The following PRRX2 variants were observed in gnomAD, a reference collection of about 807,000 sequenced individuals.
PRRX2 encodes the protein paired mesoderm homeobox protein 2.
In PRRX2, 11 loss-of-function variants were observed where a neutral mutation model predicts 18.0. The observed-to-expected ratio is 0.61, with a 90% CI of 0.39 to 1.01. The LOEUF (loss-of-function observed/expected upper bound fraction) is 1.01, where lower values mean the gene tolerates loss of function less well. Ranked by LOEUF, PRRX2 falls within the 50% of genes least tolerant of loss-of-function variation. PRRX2 has a pLI of 0.01. For synonymous variants in PRRX2, 177 were observed against 154.8 expected (o/e 1.14, Z -1.06); for missense variants, 387 against 351.0 (o/e 1.10, Z -0.82).
chr9:129,682,355 A>G (rs1019132624), intron 1 of PRRX2, among the ~76,000 whole-genome samples: 2 of 152,034 alleles, frequency 1.3e-5, no homozygotes, highest in Non-Finnish European at 2.9e-5. Flanking sequence ...TGCCATTGCT[A>G]TTATTCGCAA....
intron 1 of PRRX2, among the ~76,000 whole-genome samples, chr9:129,669,305 G>A (rs970284238): frequency 3.0e-4 from 46 of 152,330 alleles, no homozygotes; most frequent in African/African-American, 1.1e-3. Flanking sequence ...CCAGGGTCGC[G>A]GGTTCCTTCC....
intron 1 of PRRX2, among the ~76,000 whole-genome samples, chr9:129,716,518 G>A (rs1044679989): frequency 1.1e-4 from 17 of 150,776 alleles, no homozygotes; most frequent in African/African-American, 2.9e-4. Flanking sequence ...GCAGTGGTAC[G>A]GTACCGGCTC....
intron 1 of PRRX2, among the ~76,000 whole-genome samples, chr9:129,670,664 C>T (rs758401707): frequency 2.7e-4 from 41 of 152,180 alleles, no homozygotes; most frequent in Non-Finnish European, 5.0e-4. Context: ...TCTGAGCCAC[C>T]GTGCCCGGCC....
intron 1 of PRRX2, among the ~76,000 whole-genome samples, chr9:129,685,957 G>T (rs1380764922): frequency 6.6e-6 from 1 of 152,224 alleles, no homozygotes; most frequent in Non-Finnish European, 1.5e-5. Flanking sequence ...GGACCAGTGA[G>T]GGAAGGGTTC....
At chr9:129,679,423 G>C (rs1028011623) in intron 1 of PRRX2, among the ~76,000 whole-genome samples, 12 of 152,246 alleles carry the variant, frequency 7.9e-5, no homozygotes, top group African/African-American at 2.4e-4. Flanking sequence ...TTGTGCACCT[G>C]CCAAGTGCTA....
chr9:129,715,386 G>T lies in PRRX2; in HGVS notation c.260-3845G>T, dbSNP rs62584064. 0.064 allele frequency among the ~76,000 whole-genome samples: 9,685 copies of T among 152,158 alleles called. 435 individuals carry two copies. Among genetic ancestry groups the T allele is most frequent in the Middle Eastern group, 0.12 (35 of 294 alleles). On this transcript the variant is annotated intron_variant, in intron 1 of 3. Coordinates refer to ENST00000372469, the MANE Select transcript of PRRX2 (RefSeq NM_016307.4). This position sits in a 1 kb window ranked among gnomAD's most constrained non-coding sequence, Gnocchi z 4.0. Reference sequence around the variant, plus strand: ...TGAGGCAGGAGAATTGAGGTCAGGAGTTTAAGACCAGTCTTGGCAACATAG... The same window carrying T: ...TGAGGCAGGAGAATTGAGGTCAGGATTTTAAGACCAGTCTTGGCAACATAG...
chr9:129,669,016 A>G lies in PRRX2; in HGVS notation c.259+2890A>G, dbSNP rs375350238. ...ACACAAATTAGTCAGGTGTGGTGACAGACGCCTATAATCCCAGCTACTCGG... is the reference window on the plus strand; with the variant it reads ...ACACAAATTAGTCAGGTGTGGTGACGGACGCCTATAATCCCAGCTACTCGG... On this transcript the variant is annotated intron_variant, in intron 1 of 3. Transcript: ENST00000372469. Among the ~76,000 whole-genome samples, 18 of 151,778 alleles carry G rather than the reference A, an allele frequency of 1.2e-4. No individual in the cohort carries two copies. The South Asian group carries it at 2.1e-3, about 18-fold the overall frequency.
At chr9:129,707,949 C>T (rs1327515422) in intron 1 of PRRX2, among the ~76,000 whole-genome samples, 2 of 152,170 alleles carry the variant, frequency 1.3e-5, no homozygotes, top group Non-Finnish European at 2.9e-5. Flanking sequence ...AGACTGTTTT[C>T]CACAGCAGCT....
chr9:129,697,794 C>T (rs1205423338), intron 1 of PRRX2, among the ~76,000 whole-genome samples: 1 of 152,192 alleles, frequency 6.6e-6, no homozygotes, highest in South Asian at 2.1e-4. Context: ...CCCCCGCTGT[C>T]TCCACCCCAC....
chr9:129,672,051 G>A (rs1832106650), intron 1 of PRRX2, among the ~76,000 whole-genome samples: 1 of 152,178 alleles, frequency 6.6e-6, no homozygotes, highest in Non-Finnish European at 1.5e-5. Context: ...CAAGAATGTG[G>A]GGTCAGGCTG....
At chr9:129,700,170 G>T (rs191650696) in intron 1 of PRRX2, among the ~76,000 whole-genome samples, 23 of 152,310 alleles carry the variant, frequency 1.5e-4, no homozygotes, top group Admixed American at 9.8e-4. Context: ...CTGGGAGGAA[G>T]ATCTTGTTAT....
At chr9:129,699,755 A>G (rs1832471671) in intron 1 of PRRX2, among the ~76,000 whole-genome samples, 1 of 152,196 alleles carries the variant, frequency 6.6e-6, no homozygotes, top group African/African-American at 2.4e-5. Flanking sequence ...GGAAGCATCC[A>G]CGAAGGATGA....
chr9:129,698,214 C>T (rs1429341723), intron 1 of PRRX2, among the ~76,000 whole-genome samples: 2 of 137,502 alleles, frequency 1.5e-5, no homozygotes, highest in African/African-American at 2.7e-5. Context: ...GAGCTGGGAG[C>T]TCCCAGCAGG....
intron 1 of PRRX2, among the ~76,000 whole-genome samples, chr9:129,712,140 A>G (rs1832631437): frequency 6.6e-6 from 1 of 152,244 alleles, no homozygotes; most frequent in South Asian, 2.1e-4. Context: ...TTAAATCCAC[A>G]TCGAGGTCCC....
Position 129,671,379 on chromosome 9 carries a change from C to T in PRRX2, c.259+5253C>T, listed in dbSNP as rs1008221240. Among the ~76,000 whole-genome samples the T allele has an allele frequency of 1.3e-5, 2 of 152,192 alleles. No individual in the cohort carries two copies. Among genetic ancestry groups the T allele is most frequent in the Admixed American group, 6.5e-5 (1 of 15,282 alleles). ...ATTTGTGGTTCCAGGACCTCTTGCT[C>T]CTCTGTCCAGTAGATCATCTGGGTG... On this transcript the variant is annotated intron_variant, in intron 1 of 3. Transcript: ENST00000372469. This position sits in a 1 kb window ranked among gnomAD's most constrained non-coding sequence, Gnocchi z 4.0.
intron 1 of PRRX2, among the ~76,000 whole-genome samples, chr9:129,690,094 A>G (rs1832343160): frequency 6.6e-6 from 1 of 151,936 alleles, no homozygotes; most frequent in African/African-American, 2.4e-5. Flanking sequence ...ACTGCTCCCC[A>G]GTAATGCCCC....
intron 2 of PRRX2, 26 bp from the exon 3 acceptor site, chr9:129,720,570 C>T (rs1832775960): frequency 1.3e-6 from 2 of 1,577,730 alleles, no homozygotes; most frequent in Non-Finnish European, 8.6e-7. Context: ...GCCCATGCTG[C>T]ACCCTGCTCA....
chr9:129,665,900 C>G lies in PRRX2; in HGVS notation c.33C>G (p.Asp11Glu), dbSNP rs1261831743. The change falls in exon 1 of 4, where the codon GAC becomes GAG. Residue 11 changes from aspartate to glutamate, a missense_variant. Asp to Glu is a conservative substitution (Grantham distance 45). Transcript: ENST00000372469. This position sits in a 1 kb window ranked among gnomAD's most constrained non-coding sequence, Gnocchi z 5.3. The stretch of plus-strand genomic sequence containing the variant: ...GCGCGGCCGCCGCCTTCGCCCTGGA[C>G]AAGCCGGCGCTGGGCCCGGGGCCGC... MDSAAAAFAL[D>E]KPALGPGPPP... is the part of the protein sequence containing the mutation. 1 of 1,100,820 alleles carries G rather than the reference C, an allele frequency of 9.1e-7. No homozygotes were observed. Among genetic ancestry groups the G allele is most frequent in the Non-Finnish European group, 1.1e-6 (1 of 907,412 alleles). 68.2% of individuals were successfully genotyped at this position (1,100,820 alleles called of 1,614,324 possible).
At chr9:129,676,473 G>T (rs1227079164) in intron 1 of PRRX2, among the ~76,000 whole-genome samples, 1 of 152,208 alleles carries the variant, frequency 6.6e-6, no homozygotes, top group Non-Finnish European at 1.5e-5. Context: ...CGTGGTTACA[G>T]CTGAGGAACC....
Sources: gnomAD v4.1 joint callset for allele counts (sites outside exome capture counted in the v4.1 genomes callset) on GRCh38, gnomAD v4.1.1 for gene constraint, Gnocchi (gnomAD v3.1) non-coding constraint, MANE v1.5 for transcripts, NCBI Gene and HGNC (gene_info 2026-07-23, HGNC 2026-07-21) for gene names.